Variants in ANK3 observed in about 807,000 individuals in gnomAD.
ANK3 encodes ankyrin-3.
Under a neutral mutation model 370.9 loss-of-function variants are expected in ANK3, and 57 were observed. That is an observed-to-expected ratio of 0.15 (90% CI 0.12 to 0.19). The LOEUF (loss-of-function observed/expected upper bound fraction) is 0.19. Among genes scored for constraint, ANK3 ranks in the 10% least tolerant of loss-of-function variants. The probability of loss-of-function intolerance (pLI) is 1.00; values close to 1 mark genes in which losing one functional copy is unlikely to be tolerated. For synonymous variants in ANK3, 1,929 were observed against 1,946.3 expected (o/e 0.99, Z 0.23); for missense variants, 4,439 against 5,302.1 (o/e 0.84, Z 5.06).
intron 7 of ANK3, among the ~76,000 whole-genome samples, chr10:60,251,079 A>C (rs2097656809): frequency 6.6e-6 from 1 of 152,242 alleles, no homozygotes; most frequent in African/African-American, 2.4e-5. Context: ...CTAGTATAAA[A>C]TGGAAATCAT....
chr10:60,110,386 C>T (rs2092615273), intron 26 of ANK3, among the ~76,000 whole-genome samples: 1 of 152,122 alleles, frequency 6.6e-6, no homozygotes, highest in South Asian at 2.1e-4. Context: ...CGTCTTCATA[C>T]CCTTTTGCTC....
intron 2 of ANK3, among the ~76,000 whole-genome samples, chr10:60,457,347 A>T (rs2064773515): frequency 6.6e-6 from 1 of 152,184 alleles, no homozygotes; most frequent in African/African-American, 2.4e-5. Flanking sequence ...GGAGAAAACC[A>T]TTAGGATCAC....
chr10:60,412,523 C>T (rs528942826), intron 2 of ANK3, among the ~76,000 whole-genome samples: 37 of 152,178 alleles, frequency 2.4e-4, no homozygotes, highest in Admixed American at 5.2e-4. Context: ...ACTTCTCAGC[C>T]TCCAAAATCA....
intron 2 of ANK3, among the ~76,000 whole-genome samples, chr10:60,550,994 T>C (rs1266368289): frequency 6.6e-6 from 1 of 152,130 alleles, no homozygotes; most frequent in African/African-American, 2.4e-5. Flanking sequence ...TTATCAAGGA[T>C]TTTCTATGCA....
At chr10:60,526,640 G>A (rs2076478163) in intron 2 of ANK3, among the ~76,000 whole-genome samples, 1 of 152,116 alleles carries the variant, frequency 6.6e-6, no homozygotes, top group Non-Finnish European at 1.5e-5. Flanking sequence ...GAGATAATCA[G>A]CTTTTCCCAG....
chr10:60,475,865 C>T (rs1254198006), intron 2 of ANK3, among the ~76,000 whole-genome samples: 1 of 152,120 alleles, frequency 6.6e-6, no homozygotes, highest in Non-Finnish European at 1.5e-5. Flanking sequence ...CCAAGATACA[C>T]CAAAGACACA....
chr10:60,335,268 C>T (rs952522398), intron 1 of ANK3, among the ~76,000 whole-genome samples: 3 of 151,956 alleles, frequency 2.0e-5, no homozygotes, highest in African/African-American at 7.3e-5. Flanking sequence ...ACAAGCTCTA[C>T]TTCACATTCA....
At chr10:60,236,386 T>G (rs1162406343) in intron 7 of ANK3, among the ~76,000 whole-genome samples, 1 of 150,364 alleles carries the variant, frequency 6.7e-6, no homozygotes, top group East Asian at 1.9e-4. Context: ...TTTGCTCAAG[T>G]TGGAGGGTCG....
chr10:60,114,192 A>T (rs186595290), intron 26 of ANK3, 33 bp downstream of exon 26: 1 of 1,231,164 alleles, frequency 8.1e-7, no homozygotes, highest in African/African-American at 1.5e-5. Context: ...TTCATGTAGT[A>T]GGATAATGAA....
chr10:60,486,054 G>C (rs781461064), intron 2 of ANK3, among the ~76,000 whole-genome samples: 4 of 152,078 alleles, frequency 2.6e-5, no homozygotes, highest in Non-Finnish European at 5.9e-5. Flanking sequence ...AGAATGGAAC[G>C]TCATGTTTCA....
chr10:60,347,023 A>T (rs2055697057), intron 1 of ANK3, among the ~76,000 whole-genome samples: 1 of 64,770 alleles, frequency 1.5e-5, no homozygotes, highest in South Asian at 1.6e-3. Flanking sequence ...TCTAGTATGT[A>T]TGTACAGTAC....
intron 1 of ANK3, among the ~76,000 whole-genome samples, chr10:60,688,355 C>T (rs890765037): frequency 6.6e-6 from 1 of 152,170 alleles, no homozygotes; most frequent in African/African-American, 2.4e-5. Context: ...CATGAGCCAT[C>T]ATGCCTGACC....
At chr10:60,638,313 T>C (rs1478878709) in intron 1 of ANK3, among the ~76,000 whole-genome samples, 2 of 152,158 alleles carry the variant, frequency 1.3e-5, no homozygotes, top group Non-Finnish European at 2.9e-5. Context: ...GGTCATGCCT[T>C]AGTAGTAGGG....
intron 23 of ANK3, chr10:60,140,475 T>C (rs2094514337): frequency 4.4e-6 from 7 of 1,601,458 alleles, no homozygotes; most frequent in Middle Eastern, 1.7e-4. Flanking sequence ...AATCCCTGGT[T>C]TGTATCCACT....
At chr10:60,226,541 GTATATATACTATAGTA>G (rs1397974935) in intron 8 of ANK3, among the ~76,000 whole-genome samples, 13 of 14,698 alleles carry the variant, frequency 8.8e-4, no homozygotes, top group East Asian at 6.9e-3. Flanking sequence ...TATATACATA[GTATATATACTATAGTA>G]TATATACATA....
chr10:60,575,469 TA>T (rs1371898544), intron 2 of ANK3, among the ~76,000 whole-genome samples: 3 of 152,212 alleles, frequency 2.0e-5, no homozygotes, highest in African/African-American at 7.2e-5. Flanking sequence ...TCACATTGTT[TA>T]ATCAGGTCTG....
intron 2 of ANK3, among the ~76,000 whole-genome samples, chr10:60,474,068 G>C (rs768053307): frequency 5.3e-5 from 8 of 151,512 alleles, no homozygotes; most frequent in Non-Finnish European, 1.2e-4. Context: ...AGGAGTTCGA[G>C]GCTGCAGTGA....
In ANK3 at chr10:60,071,310, C is replaced by T. The variant is rs1158073537; in HGVS notation, c.9571G>A (p.Ala3191Thr). The change falls in exon 37 of 44, where the codon GCT (alanine) becomes ACT (threonine). Residue 3191 changes from alanine (A) to threonine (T), a missense_variant. Physicochemically the swap from Ala to Thr is moderately conservative, Grantham distance 58 (BLOSUM62 0). Transcript: ENST00000280772. ...FTSKTPDSLI[A>T]YIPGKPSPIP... ...GGGCTGGGTTTGCCTGGTATATAAG[C>T]TATGAGCGAGTCAGGTGTCTTAGAT... 4.3e-6 allele frequency: 7 copies of T among 1,614,104 alleles called. No homozygotes were observed. The East Asian group carries it at 8.9e-5, about 21-fold the overall frequency.
chr10:60,047,088 T>C (rs1245105153), intron 42 of ANK3, among the ~76,000 whole-genome samples: 1 of 152,228 alleles, frequency 6.6e-6, no homozygotes, highest in East Asian at 1.9e-4. Context: ...ATTACAGGCC[T>C]GAGCCACCGC....
Sources: allele counts gnomAD v4.1 joint callset (sites outside exome capture counted in the v4.1 genomes callset), GRCh38; gene constraint gnomAD v4.1.1; transcripts MANE v1.5; gene names NCBI Gene and HGNC (gene_info 2026-07-23, HGNC 2026-07-21).